PRICKLE1: variants seen among roughly 807,000 people sequenced by gnomAD.
PRICKLE1 encodes the protein prickle-like protein 1.
In PRICKLE1, 14 loss-of-function variants were observed where a neutral mutation model predicts 70.2. That is an observed-to-expected ratio of 0.20 (90% CI 0.13 to 0.31). The LOEUF (loss-of-function observed/expected upper bound fraction) is 0.31, where lower values mean the gene tolerates loss of function less well. Among genes scored for constraint, PRICKLE1 ranks in the 10% least tolerant of loss-of-function variants. PRICKLE1 has a pLI of 1.00. For missense variants in PRICKLE1, 821 were observed against 1,026.2 expected (o/e 0.80, Z 2.73); for synonymous variants, 357 against 379.9 (o/e 0.94, Z 0.70).
chr12:42,506,567 CTTTTTTTTTTT>C (rs139103281), intron 1 of PRICKLE1, among the ~76,000 whole-genome samples: 3 of 64,632 alleles, frequency 4.6e-5, no homozygotes, highest in East Asian at 6.1e-4. Flanking sequence ...CAATAGTGTT[CTTTTTTTTTTT>C]TTTTTTTTTT....
Position 42,459,498 on chromosome 12 carries a change from A to T in PRICKLE1, c.*311T>A, listed in dbSNP as rs1359894895. On this transcript the variant is annotated 3_prime_UTR_variant, in exon 8 of 8. Coordinates refer to ENST00000345127, the MANE Select transcript of PRICKLE1 (RefSeq NM_153026.3). ...CTCCATCTTCTAAAATCAACATCCA[A>T]TCCCCTTCAGTCAGCATCTTCAGTA... The T allele has an allele frequency of 3.1e-6, 2 of 644,018 alleles. No individual in the cohort carries two copies. Among genetic ancestry groups the T allele is most frequent in the Admixed American group, 5.0e-5 (2 of 40,316 alleles). 39.9% of individuals were successfully genotyped at this position (644,018 alleles called of 1,614,324 possible).
At chr12:42,511,652 G>T (rs1939516336) in intron 1 of PRICKLE1, among the ~76,000 whole-genome samples, 1 of 152,126 alleles carries the variant, frequency 6.6e-6, no homozygotes, top group African/African-American at 2.4e-5. Flanking sequence ...ATTATTGAAG[G>T]CTTACCCTTG....
intron 1 of PRICKLE1, among the ~76,000 whole-genome samples, chr12:42,512,555 T>C (rs1939533494): frequency 6.6e-6 from 1 of 152,228 alleles, no homozygotes; most frequent in Non-Finnish European, 1.5e-5. Flanking sequence ...TTTAAAACTG[T>C]ATCCCCTGCC....
At chr12:42,576,158 G>A (rs1361225939) in intron 1 of PRICKLE1, among the ~76,000 whole-genome samples, 1 of 152,182 alleles carries the variant, frequency 6.6e-6, no homozygotes, top group African/African-American at 2.4e-5. Flanking sequence ...AAATAAAAAT[G>A]GGAAAGCTTA....
chr12:42,503,440 A>C (rs2140184645), intron 1 of PRICKLE1, among the ~76,000 whole-genome samples: 1 of 152,288 alleles, frequency 6.6e-6, no homozygotes, highest in East Asian at 1.9e-4. Context: ...AAAGAAATTA[A>C]GACACACTAA....
chr12:42,520,763 G>A (rs1939696043), intron 1 of PRICKLE1, among the ~76,000 whole-genome samples: 1 of 152,288 alleles, frequency 6.6e-6, no homozygotes, highest in East Asian at 1.9e-4. Flanking sequence ...TGTTGCAAAT[G>A]TTACAGTCTG....
intron 1 of PRICKLE1, among the ~76,000 whole-genome samples, chr12:42,509,770 G>T (rs1280917151): frequency 1.3e-5 from 2 of 151,972 alleles, no homozygotes; most frequent in East Asian, 3.9e-4. Flanking sequence ...ATGTCAATTT[G>T]TCCAAAAGAT....
At chr12:42,467,966 A>G (rs1253581466) in intron 5 of PRICKLE1, among the ~76,000 whole-genome samples, 1 of 152,208 alleles carries the variant, frequency 6.6e-6, no homozygotes, top group African/African-American at 2.4e-5. Context: ...AAATCTAAAC[A>G]AAGACTATGG....
chr12:42,465,333 A>G, intron 6 of PRICKLE1, 75 bp from the exon 7 acceptor site: 2 of 1,451,300 alleles, frequency 1.4e-6, no homozygotes, highest in Non-Finnish European at 1.9e-6. Flanking sequence ...AGAAACGAAG[A>G]AAATAAATAA....
intron 1 of PRICKLE1, among the ~76,000 whole-genome samples, chr12:42,478,467 T>A (rs1268934989): frequency 6.6e-6 from 1 of 152,024 alleles, no homozygotes; most frequent in Non-Finnish European, 1.5e-5. Context: ...ATTAAGGAGG[T>A]GTGTGGAGGG....
chr12:42,548,759 C>T (rs1033214690), intron 1 of PRICKLE1, among the ~76,000 whole-genome samples: 1 of 152,132 alleles, frequency 6.6e-6, no homozygotes, highest in African/African-American at 2.4e-5. Flanking sequence ...GTCCATCCCT[C>T]ACCTCCAATT....
At position 42,465,248 on chromosome 12, in the gene PRICKLE1, A is replaced by C; in HGVS notation, c.786T>G (p.His262Gln). 4.3e-6 allele frequency: 7 copies of C among 1,614,170 alleles called. No homozygotes were observed. The highest frequency in any genetic ancestry group is 5.1e-6 in the Non-Finnish European group (6 of 1,180,018). ...ETCGEHIGVD[H>Q]AQMTYDGQHW... ...GCTGCCCGTCATAGGTCATCTGTGC[A>C]TGGTCCACACCTGTTTTGAAAAGGA... The change falls in exon 7 of 8, where the codon CAT becomes CAG. Residue 262 changes from histidine to glutamine, a missense_variant. By Grantham distance (24) the His-to-Gln change is conservative. Coordinates refer to ENST00000345127, the MANE Select transcript of PRICKLE1 (RefSeq NM_153026.3).
chr12:42,492,249 G>A (rs540077788), intron 1 of PRICKLE1, among the ~76,000 whole-genome samples: 4 of 152,282 alleles, frequency 2.6e-5, no homozygotes, highest in African/African-American at 9.6e-5. Flanking sequence ...TTACAGGCGT[G>A]AGGCACTACA....
intron 1 of PRICKLE1, among the ~76,000 whole-genome samples, chr12:42,491,476 C>G (rs1566099918): frequency 6.6e-6 from 1 of 151,810 alleles, no homozygotes; most frequent in Non-Finnish European, 1.5e-5. Context: ...TCGCTTGAAC[C>G]TGGGAGGTGG....
intron 1 of PRICKLE1, among the ~76,000 whole-genome samples, chr12:42,523,638 T>C (rs1008429513): frequency 5.3e-5 from 8 of 152,190 alleles, no homozygotes; most frequent in Non-Finnish European, 7.3e-5. Flanking sequence ...ATAAGAGCCA[T>C]ATGGGTGCAT....
intron 1 of PRICKLE1, among the ~76,000 whole-genome samples, chr12:42,498,034 G>A (rs959933864): frequency 2.0e-5 from 3 of 151,910 alleles, no homozygotes; most frequent in African/African-American, 7.3e-5. Context: ...AATAGAGATG[G>A]GTCTCACTAT....
chr12:42,563,226 G>A (rs183857875), intron 1 of PRICKLE1, among the ~76,000 whole-genome samples: 64 of 151,914 alleles, frequency 4.2e-4, no homozygotes, highest in Admixed American at 3.5e-3. Context: ...TTATGGTTCT[G>A]GATAAAGAGC....
chr12:42,457,224 A>G lies in PRICKLE1; in HGVS notation c.*2585T>C, dbSNP rs1375993475. 1.3e-5 allele frequency: 2 copies of G among 152,034 alleles called. No individual in the cohort carries two copies. The allele number at this position is 152,034 out of a possible 1,614,324, so 9.4% of individuals were successfully genotyped here. A position where few individuals can be genotyped will look rare whatever the true frequency, so the allele number is the denominator to read the frequency against. ...AGAAAGTCACATTATTATTGTGAAT[A>G]AATATCTGCATTTCCTTAAGCCTTT... On this transcript the variant is annotated 3_prime_UTR_variant, in exon 8 of 8. Coordinates refer to ENST00000345127, the MANE Select transcript of PRICKLE1 (RefSeq NM_153026.3).
intron 1 of PRICKLE1, chr12:42,489,824 T>C (rs1939062996): frequency 1.3e-5 from 2 of 152,084 alleles, no homozygotes; most frequent in African/African-American, 2.4e-5. Flanking sequence ...AAGGAGGGTG[T>C]CACCAGTCCC....
Sources: allele counts gnomAD v4.1 joint callset (sites outside exome capture counted in the v4.1 genomes callset), GRCh38; gene constraint gnomAD v4.1.1; transcripts MANE v1.5; gene names NCBI Gene and HGNC (gene_info 2026-07-23, HGNC 2026-07-21).